Variants in LAMC1 observed in about 807,000 individuals in gnomAD.
LAMC1 encodes laminin subunit gamma 1.
A neutral mutation model predicts 173.6 loss-of-function variants in LAMC1; 38 were observed. The observed-to-expected ratio is 0.22, with a 90% CI of 0.17 to 0.29. The LOEUF (loss-of-function observed/expected upper bound fraction) is 0.29, where lower values mean the gene tolerates loss of function less well. Among genes scored for constraint, LAMC1 ranks in the 10% least tolerant of loss-of-function variants. The pLI is 1.00. For missense variants in LAMC1, 1,824 were observed against 2,051.8 expected (o/e 0.89, Z 2.14); for synonymous variants, 746 against 749.1 (o/e 1.00, Z 0.07).
chr1:183,127,456 A>G (rs1338616495), intron 17 of LAMC1, 52 bp downstream of exon 17: 1 of 1,530,732 alleles, frequency 6.5e-7, no homozygotes, highest in African/African-American at 1.4e-5. Flanking sequence ...GTTGAGTGGC[A>G]ACTTACTGTG....
intron 1 of LAMC1, among the ~76,000 whole-genome samples, chr1:183,071,356 C>G (rs1029080851): frequency 6.7e-6 from 1 of 149,914 alleles, no homozygotes; most frequent in Admixed American, 6.7e-5. Context: ...TGTCCAGATA[C>G]AGCTGTAATT....
Position 183,047,121 on chromosome 1 carries a change from T to A in LAMC1, c.418+22987T>A, listed in dbSNP as rs1340638261. Among the ~76,000 whole-genome samples, 7 of 152,190 alleles carry A rather than the reference T, an allele frequency of 4.6e-5. 1 individual carries two copies. Among genetic ancestry groups the A allele is most frequent in the Admixed American group, 4.6e-4 (7 of 15,274 alleles). Reference sequence around the variant, plus strand: ...TATCAAATTAGGTAGTATACAGATATTATTCACCTTTTTGGTAAAATTAGC... The same window carrying A: ...TATCAAATTAGGTAGTATACAGATAATATTCACCTTTTTGGTAAAATTAGC... On this transcript the variant is annotated intron_variant, in intron 1 of 27. Transcript: ENST00000258341.
At chr1:183,039,197 G>C (rs1260742810) in intron 1 of LAMC1, among the ~76,000 whole-genome samples, 1 of 144,544 alleles carries the variant, frequency 6.9e-6, no homozygotes, top group African/African-American at 2.5e-5. Flanking sequence ...TGAGCATGCC[G>C]GAATTTTCAT....
chr1:183,023,817 A>C lies in LAMC1; in HGVS notation c.101A>C (p.Gln34Pro). Reference protein sequence around the residue: ...LAAAAAAGCAQAAMDECTDEG... With the variant: ...LAAAAAAGCAPAAMDECTDEG... ...GCGGCCGCCGCGGCGGGCTGTGCCC[A>C]GGCAGCCATGGACGAGTGCACGGAC... The change falls in exon 1 of 28, where the codon CAG (glutamine) becomes CCG (proline). Residue 34 changes from glutamine to proline, a missense_variant. Transcript: ENST00000258341. The C allele has an allele frequency of 6.4e-7, 1 of 1,566,682 alleles. No homozygotes were observed. The highest frequency in any genetic ancestry group is 8.6e-7 in the Non-Finnish European group (1 of 1,156,152).
At chr1:183,088,783 A>G (rs1470196481) in intron 1 of LAMC1, among the ~76,000 whole-genome samples, 1 of 152,328 alleles carries the variant, frequency 6.6e-6, no homozygotes, top group Non-Finnish European at 1.5e-5. Flanking sequence ...GGAAAGATGG[A>G]TAGGGCTTGG....
At chr1:183,134,873 GT>G (rs1553258528) in intron 23 of LAMC1, 64 bp downstream of exon 23, 1 of 1,164,394 alleles carries the variant, frequency 8.6e-7, no homozygotes, top group Non-Finnish European at 1.2e-6. Context: ...AAATGGGTCT[GT>G]GATGATGCCG....
chr1:183,099,267 T>G (rs1655773865), intron 1 of LAMC1, among the ~76,000 whole-genome samples: 1 of 152,114 alleles, frequency 6.6e-6, no homozygotes, highest in Non-Finnish European at 1.5e-5. Flanking sequence ...TTTTTGAATT[T>G]TTAGGAGAGA....
intron 26 of LAMC1, chr1:183,138,694 T>C (rs1657019837): frequency 1.3e-5 from 2 of 152,052 alleles, no homozygotes; most frequent in African/African-American, 4.8e-5. Context: ...TTTTTACAGG[T>C]AGGGGGGTGG....
rs184065387 is a variant in LAMC1 at position 183,101,574 on chromosome 1, G to T, written c.419-1754G>T. On this transcript the variant is annotated intron_variant, in intron 1 of 27. Transcript: ENST00000258341. Reference sequence around the variant, plus strand: ...TCTTTATAAACCCTATTGTGGTAATGCCTTATATTTGTATAGAATTTTACA... The same window carrying T: ...TCTTTATAAACCCTATTGTGGTAATTCCTTATATTTGTATAGAATTTTACA... Among the ~76,000 whole-genome samples the T allele has an allele frequency of 6.6e-5, 10 of 151,832 alleles. No homozygotes were observed. The East Asian group carries it at 1.9e-3, about 29-fold the overall frequency.
chr1:183,090,487 G>A (rs1369650174), intron 1 of LAMC1, among the ~76,000 whole-genome samples: 3 of 152,154 alleles, frequency 2.0e-5, no homozygotes, highest in Non-Finnish European at 4.4e-5. Flanking sequence ...GGGTGTATTC[G>A]TTTATACTTA....
chr1:183,140,254 A>AAAAAAAAAAG (rs1657072401), intron 26 of LAMC1, 150 bp from the exon 27 acceptor site: 1 of 431,726 alleles, frequency 2.3e-6, no homozygotes, highest in Non-Finnish European at 4.1e-6. Flanking sequence ...CCAAAAAAAA[A>AAAAAAAAAAG]AAAAAAAAAA....
At chr1:183,093,761 G>A (rs554129689) in intron 1 of LAMC1, among the ~76,000 whole-genome samples, 84 of 152,192 alleles carry the variant, frequency 5.5e-4, no homozygotes, top group Middle Eastern at 3.4e-3. Context: ...TCCCCCCATG[G>A]CTGCTTCATC....
Position 183,134,650 on chromosome 1 carries a change from C to T in LAMC1, c.3850-10C>T, listed in dbSNP as rs368372784. 271 of 1,604,714 alleles carry T rather than the reference C, an allele frequency of 1.7e-4. No homozygotes were observed. The highest frequency in any genetic ancestry group is 2.2e-4 in the Non-Finnish European group (264 of 1,176,552). Reference sequence around the variant, plus strand: ...ATCCAAAGTGTAGTGATCTTACTTGCTTTTCACAGAATGAAGCAAATAACA... The same window carrying T: ...ATCCAAAGTGTAGTGATCTTACTTGTTTTTCACAGAATGAAGCAAATAACA... On this transcript the variant is annotated splice_polypyrimidine_tract_variant and intron_variant, in intron 22 of 27. Transcript: ENST00000258341.
intron 1 of LAMC1, 102 bp from the exon 2 acceptor site, chr1:183,103,223 AAGG>A: frequency 9.2e-7 from 1 of 1,082,524 alleles, no homozygotes. Flanking sequence ...TGATGTGTAC[AAGG>A]AGATTTATAT....
At chr1:183,115,715 T>C (rs2102082284) in intron 6 of LAMC1, 78 bp downstream of exon 6, 1 of 973,290 alleles carries the variant, frequency 1.0e-6, no homozygotes, top group Non-Finnish European at 1.7e-6. Flanking sequence ...TTATGGCTTA[T>C]TGGCAGCAGG....
chr1:183,137,588 A>G (rs1268357087), intron 25 of LAMC1, 81 bp from the exon 26 acceptor site: 4 of 752,808 alleles, frequency 5.3e-6, no homozygotes, highest in Non-Finnish European at 5.9e-6. Flanking sequence ...AAGACATTTT[A>G]TAAATTATAA....
chr1:183,119,283 G>C (rs962584225), intron 11 of LAMC1, among the ~76,000 whole-genome samples: 3 of 152,112 alleles, frequency 2.0e-5, no homozygotes, highest in African/African-American at 7.2e-5. Flanking sequence ...AGTTAGTGAT[G>C]ATGTGGTATT....
chr1:183,040,362 A>G (rs1043107056), intron 1 of LAMC1, among the ~76,000 whole-genome samples: 1 of 152,260 alleles, frequency 6.6e-6, no homozygotes, highest in African/African-American at 2.4e-5. Flanking sequence ...AAGGAAGCAC[A>G]GTAACTTTGT....
intron 1 of LAMC1, among the ~76,000 whole-genome samples, chr1:183,074,644 G>GAGCT (rs1473886382): frequency 3.9e-5 from 6 of 152,200 alleles, no homozygotes; most frequent in Non-Finnish European, 8.8e-5. Flanking sequence ...ACTGAAGGAA[G>GAGCT]AGCTAGACCT....
Sources: gnomAD v4.1 joint callset for allele counts (sites outside exome capture counted in the v4.1 genomes callset) on GRCh38, gnomAD v4.1.1 for gene constraint, MANE v1.5 for transcripts, NCBI Gene and HGNC (gene_info 2026-07-23, HGNC 2026-07-21) for gene names.